DMD: variants seen among roughly 807,000 people sequenced by gnomAD.
DMD encodes the protein dystrophin.
DMD carries 63 observed loss-of-function variants against 330.1 expected under a neutral mutation model. The ratio of observed to expected loss-of-function variants is 0.19; its 90% CI spans 0.16 to 0.24. DMD has a LOEUF of 0.24. Ranked by LOEUF, DMD falls within the 10% of genes least tolerant of loss-of-function variation. DMD has a pLI of 1.00. For synonymous variants in DMD, 1,223 were observed against 959.8 expected, an observed-to-expected ratio of 1.27 and a Z score of -5.07; for missense variants, 3,344 against 2,684.1, an observed-to-expected ratio of 1.25 and a Z score of -5.43.
At chrX:32,776,562 G>A (rs554722309) in intron 7 of DMD, among the ~76,000 whole-genome samples, 4 of 110,843 alleles carry the variant, frequency 3.6e-5, no homozygotes, top group African/African-American at 6.6e-5. Flanking sequence ...CAGTGGGGTC[G>A]GGGGGAAGGC....
intron 50 of DMD, among the ~76,000 whole-genome samples, chrX:31,815,522 C>G (rs1228812637): frequency 3.6e-5 from 4 of 110,905 alleles, no homozygotes; most frequent in African/African-American, 9.9e-5. Flanking sequence ...GGGTTGAAGC[C>G]CAGTAATCTA....
chrX:32,338,078 C>G, intron 41 of DMD, among the ~76,000 whole-genome samples: 1 of 111,277 alleles, frequency 9.0e-6, no homozygotes, highest in Middle Eastern at 4.7e-3. Context: ...TCATGTTTTA[C>G]CTGGTATTTG....
At chrX:32,697,472 T>A (rs767449218) in intron 9 of DMD, among the ~76,000 whole-genome samples, 2 of 112,098 alleles carry the variant, frequency 1.8e-5, no homozygotes, top group Non-Finnish European at 3.8e-5. Context: ...GTATTTCCTT[T>A]ACGTAGATCC....
chrX:32,871,081 C>T (rs1202066883), intron 2 of DMD, among the ~76,000 whole-genome samples: 2 of 109,350 alleles, frequency 1.8e-5, no homozygotes, highest in Admixed American at 9.8e-5. Context: ...GCATCCTTGC[C>T]GTAAGCTTCG....
chrX:32,052,755 T>A (rs1292070825), intron 44 of DMD, among the ~76,000 whole-genome samples: 1 of 110,956 alleles, frequency 9.0e-6, no homozygotes, highest in African/African-American at 3.3e-5. Context: ...CATAGCATAC[T>A]GAAGGAAATC....
intron 61 of DMD, among the ~76,000 whole-genome samples, chrX:31,343,656 A>T (rs2057903914): frequency 9.1e-6 from 1 of 109,731 alleles, no homozygotes; most frequent in African/African-American, 3.3e-5. Flanking sequence ...CACGTGCGAG[A>T]CAGAGAGAGA....
intron 11 of DMD, among the ~76,000 whole-genome samples, chrX:32,643,602 C>T (rs1602454205): frequency 9.0e-6 from 1 of 111,342 alleles, no homozygotes; most frequent in South Asian, 3.7e-4. Context: ...CTCAAATCCT[C>T]TTTTTTATTA....
intron 7 of DMD, among the ~76,000 whole-genome samples, chrX:32,723,933 G>A (rs2066596411): frequency 9.0e-6 from 1 of 110,999 alleles, no homozygotes; most frequent in Non-Finnish European, 1.9e-5. Flanking sequence ...GTGAATTACA[G>A]TTAGGCTGCA....
intron 44 of DMD, among the ~76,000 whole-genome samples, chrX:32,162,743 T>C (rs187264457): frequency 3.0e-3 from 320 of 108,382 alleles, no homozygotes; most frequent in Non-Finnish European, 4.2e-3. Flanking sequence ...GCTAACTTTT[T>C]TTTTTTTTGT....
chrX:32,030,553 A>C lies in DMD; in HGVS notation c.6439-62039T>G, dbSNP rs112974202. On this transcript the variant is annotated intron_variant, in intron 44 of 78. Coordinates refer to ENST00000357033, the MANE Select transcript of DMD (RefSeq NM_004006.3). Reference sequence around the variant, plus strand: ...CAGTCAAAAATTTCTGTCCATGTGAATCTTACACTTCAAGTAATGGGGGAT... The same window carrying C: ...CAGTCAAAAATTTCTGTCCATGTGACTCTTACACTTCAAGTAATGGGGGAT... Among the ~76,000 whole-genome samples the C allele has an allele frequency of 1.2e-4, 13 of 112,118 alleles. 1 individual carries two copies. Among genetic ancestry groups the C allele is most frequent in the African/African-American group, 3.9e-4 (12 of 30,922 alleles).
At chrX:31,865,853 G>A (rs1214815874) in intron 48 of DMD, among the ~76,000 whole-genome samples, 3 of 111,776 alleles carry the variant, frequency 2.7e-5, no homozygotes, top group Admixed American at 9.5e-5. Flanking sequence ...TACAGATCAC[G>A]TTTGTAGAGA....
At chrX:32,923,208 A>T in intron 2 of DMD, among the ~76,000 whole-genome samples, 1 of 111,398 alleles carries the variant, frequency 9.0e-6, no homozygotes, top group Non-Finnish European at 1.9e-5. Context: ...TAAGTGATCA[A>T]AATATGAAAT....
At chrX:32,392,940 C>T (rs1224811240) in intron 30 of DMD, among the ~76,000 whole-genome samples, 2 of 112,630 alleles carry the variant, frequency 1.8e-5, no homozygotes, top group African/African-American at 6.5e-5. Flanking sequence ...ACGTTCAGCC[C>T]AGTTGAGCAT....
chrX:31,796,761 G>A (rs1375951236), intron 50 of DMD, among the ~76,000 whole-genome samples: 2 of 111,763 alleles, frequency 1.8e-5, no homozygotes, highest in African/African-American at 6.5e-5. Context: ...GGGGTCATGG[G>A]GGTGGATCCT....
intron 12 of DMD, among the ~76,000 whole-genome samples, chrX:32,603,408 A>G (rs756449710): frequency 1.8e-5 from 2 of 111,624 alleles, no homozygotes; most frequent in East Asian, 5.6e-4. Context: ...CACCAAAAAG[A>G]TAGAAAGATC....
chrX:31,200,139 T>C (rs1022371421), intron 67 of DMD, among the ~76,000 whole-genome samples: 1 of 112,229 alleles, frequency 8.9e-6, no homozygotes, highest in Non-Finnish European at 1.9e-5. Context: ...GCCATACATA[T>C]GGAATTTACT....
At chrX:31,406,258 G>A (rs912968663) in intron 60 of DMD, among the ~76,000 whole-genome samples, 16 of 111,293 alleles carry the variant, frequency 1.4e-4, no homozygotes, top group African/African-American at 3.3e-4. Flanking sequence ...ATGAAAATAC[G>A]AGTAGGCAGA....
At chrX:32,404,599 C>T in intron 30 of DMD, among the ~76,000 whole-genome samples, 1 of 111,591 alleles carries the variant, frequency 9.0e-6, no homozygotes, top group South Asian at 3.7e-4. Flanking sequence ...TGCATCAACA[C>T]ATAAGGACAT....
intron 11 of DMD, among the ~76,000 whole-genome samples, chrX:32,618,733 A>G (rs2057773274): frequency 9.0e-6 from 1 of 111,664 alleles, no homozygotes; most frequent in Non-Finnish European, 1.9e-5. Flanking sequence ...CACTTTTGTT[A>G]GCATGGCTAC....
Sources: gnomAD v4.1 joint callset for allele counts (sites outside exome capture counted in the v4.1 genomes callset) on GRCh38, gnomAD v4.1.1 for gene constraint, MANE v1.5 for transcripts, NCBI Gene and HGNC (gene_info 2026-07-23, HGNC 2026-07-21) for gene names.